The following TRAM2 variants were observed in gnomAD, a reference collection of about 807,000 sequenced individuals.
TRAM2 encodes the protein translocation associated membrane protein 2, also known as translocating chain-associated membrane protein 2.
Under a neutral mutation model 51.0 loss-of-function variants are expected in TRAM2, and 12 were observed. That is an observed-to-expected ratio of 0.24 (90% CI 0.15 to 0.38). The LOEUF is 0.38. Among genes scored for constraint, TRAM2 ranks in the 10% least tolerant of loss-of-function variants. The pLI is 1.00. For synonymous variants in TRAM2, 175 were observed against 179.4 expected, an observed-to-expected ratio of 0.98 and a Z score of 0.20; for missense variants, 361 against 462.0, an observed-to-expected ratio of 0.78 and a Z score of 2.00.
At chr6:52,522,871 G>C (rs1309292313) in intron 2 of TRAM2, 1 of 701,892 alleles carries the variant, frequency 1.4e-6, no homozygotes, top group Non-Finnish European at 2.6e-6. Context: ...ATATTTTCCT[G>C]TTTCCTTCTG....
chr6:52,565,879 A>T (rs1767582733), intron 1 of TRAM2, among the ~76,000 whole-genome samples: 1 of 152,228 alleles, frequency 6.6e-6, no homozygotes, highest in East Asian at 1.9e-4. Flanking sequence ...GCCTCCACAA[A>T]GGAAGTTCCC....
At chr6:52,562,418 G>C (rs1767516827) in intron 1 of TRAM2, among the ~76,000 whole-genome samples, 1 of 152,196 alleles carries the variant, frequency 6.6e-6, no homozygotes, top group Non-Finnish European at 1.5e-5. Context: ...TGAGGTGCCA[G>C]AGGCAACAGA....
intron 2 of TRAM2, among the ~76,000 whole-genome samples, chr6:52,532,519 G>A (rs1766910916): frequency 6.6e-6 from 1 of 151,984 alleles, no homozygotes; most frequent in African/African-American, 2.4e-5. Flanking sequence ...AATGACAGAA[G>A]GTATTTTGGC....
intron 2 of TRAM2, among the ~76,000 whole-genome samples, chr6:52,525,964 G>A (rs530645738): frequency 3.2e-4 from 49 of 152,056 alleles, no homozygotes; most frequent in Admixed American, 1.4e-3. Context: ...GGGAGATGAC[G>A]ACCATTTACA....
intron 1 of TRAM2, among the ~76,000 whole-genome samples, chr6:52,564,532 C>G (rs1767558214): frequency 6.6e-6 from 1 of 152,086 alleles, no homozygotes; most frequent in Non-Finnish European, 1.5e-5. Flanking sequence ...GCCCCATGCC[C>G]CTTGAGCCTC....
chr6:52,547,913 C>T (rs911361012), intron 1 of TRAM2, among the ~76,000 whole-genome samples: 2 of 152,238 alleles, frequency 1.3e-5, no homozygotes, highest in African/African-American at 4.8e-5. Flanking sequence ...CTGCCATAAC[C>T]ATGGGGCAAT....
chr6:52,510,662 A>G (rs1562475998), intron 4 of TRAM2, among the ~76,000 whole-genome samples: 1 of 152,224 alleles, frequency 6.6e-6, no homozygotes. Flanking sequence ...AGGTGAAAAC[A>G]AAATCATTTA....
chr6:52,553,032 T>C (rs1196956550), intron 1 of TRAM2, among the ~76,000 whole-genome samples: 3 of 152,096 alleles, frequency 2.0e-5, no homozygotes, highest in Admixed American at 2.0e-4. Context: ...GCCTCAAGAC[T>C]CAAAACCCCT....
Position 52,502,462 on chromosome 6 carries a change from AGGCT to A in TRAM2, c.*731_*734del, listed in dbSNP as rs1167264330. ...GTGTCCCCCCCCACAGAGCGACAGC[AGGCT>A]GGCTTCCAATCCGCGGCCAGCCACT... On this transcript the variant is annotated 3_prime_UTR_variant, in exon 11 of 11. Transcript: ENST00000182527. 6.6e-6 allele frequency: 1 copy of A among 152,236 alleles called. No homozygotes were observed. The allele number at this position is 152,236 out of a possible 1,614,324, so 9.4% of individuals were successfully genotyped here. A position where few individuals can be genotyped will look rare whatever the true frequency, so the allele number is the denominator to read the frequency against.
At chr6:52,538,976 T>A in intron 1 of TRAM2, among the ~76,000 whole-genome samples, 1 of 152,250 alleles carries the variant, frequency 6.6e-6, no homozygotes, top group East Asian at 1.9e-4. Context: ...TTGTTTTATG[T>A]GTGTTTCTGT....
In TRAM2 at chr6:52,503,287, GAC is replaced by G. The variant is rs778892069; in HGVS notation, c.1040-19_1040-18del. 8.7e-6 allele frequency: 14 copies of G among 1,609,958 alleles called. No homozygotes were observed. The highest frequency in any genetic ancestry group is 1.2e-5 in the Non-Finnish European group (14 of 1,176,324). On this transcript the variant is annotated intron_variant, in intron 10 of 10. Transcript: ENST00000182527. Reference sequence around the variant, plus strand: ...CATGGTAACCTGGGAAGTGGAGAGAGACAAGCATACATGGTGTTTCTGCTGGA... The same window carrying G: ...CATGGTAACCTGGGAAGTGGAGAGAGAAGCATACATGGTGTTTCTGCTGGA...
intron 7 of TRAM2, 92 bp downstream of exon 7, chr6:52,507,461 T>C: frequency 1.5e-6 from 2 of 1,335,294 alleles, no homozygotes; most frequent in Non-Finnish European, 2.1e-6. Context: ...ACAGAGGATG[T>C]CAACAAATGC....
chr6:52,508,190 G>A, intron 6 of TRAM2, 44 bp downstream of exon 6: 1 of 1,573,704 alleles, frequency 6.4e-7, no homozygotes, highest in Non-Finnish European at 8.7e-7. Flanking sequence ...GGAGGGGAGT[G>A]GTCAATGAAT....
intron 1 of TRAM2, among the ~76,000 whole-genome samples, 163 bp downstream of exon 1, chr6:52,576,633 G>A (rs1246398375): frequency 2.0e-5 from 3 of 152,186 alleles, no homozygotes; most frequent in South Asian, 2.1e-4. Context: ...GCTGGCCGGG[G>A]TACAGGCCGG....
chr6:52,507,298 C>G lies in TRAM2; in HGVS notation c.626+255G>C, dbSNP rs549258375. ...GAGGGTCTTCTTCTGGGTTGCAGAG[C>G]AGATGATACATACTGTGTTATGGTG... is the stretch of plus-strand genomic sequence containing the variant. On this transcript the variant is annotated intron_variant, in intron 7 of 10. Transcript: ENST00000182527. Among the ~76,000 whole-genome samples, 13 of 152,342 alleles carry G rather than the reference C, an allele frequency of 8.5e-5. No individual in the cohort carries two copies. The East Asian group carries it at 2.3e-3, about 27-fold the overall frequency.
rs767104586 is a variant in TRAM2 at position 52,516,750 on chromosome 6, T to C, written c.185-13A>G. On this transcript the variant is annotated splice_polypyrimidine_tract_variant and intron_variant, in intron 2 of 10. Transcript: ENST00000182527. ...ACGGTCTCACTGTCTGTGGAGGTAA[T>C]AAAAGTCCCATCAGCATCCCTGGGG... The C allele has an allele frequency of 1.6e-5, 26 of 1,598,196 alleles. No homozygotes were observed. The highest frequency in any genetic ancestry group is 2.2e-5 in the Non-Finnish European group (26 of 1,165,664).
intron 1 of TRAM2, among the ~76,000 whole-genome samples, chr6:52,573,497 G>C (rs922254367): frequency 1.3e-5 from 2 of 152,326 alleles, no homozygotes; most frequent in East Asian, 1.9e-4. Context: ...TGGCTGCACA[G>C]AGCAGCTTCT....
In TRAM2 at chr6:52,504,692, G is replaced by T; in HGVS notation, c.938C>A (p.Ser313Tyr). 1 of 1,613,290 alleles carries T rather than the reference G, an allele frequency of 6.2e-7. No homozygotes were observed. The highest frequency in any genetic ancestry group is 1.3e-5 in the African/African-American group (1 of 75,042). ...QAWLMWRFIHSQLRHWREYWN... is the reference protein window; with the variant it reads ...QAWLMWRFIHYQLRHWREYWN... Reference sequence around the variant, plus strand: ...GTATTCCCGCCAGTGCCGCAGCTGGGAGTGGATGAAGCGCCACATGAGCCA... The same window carrying T: ...GTATTCCCGCCAGTGCCGCAGCTGGTAGTGGATGAAGCGCCACATGAGCCA... Residue 313 changes from serine to tyrosine, a missense_variant, in exon 10 of 11, where the codon TCC (serine) becomes TAC (tyrosine). By Grantham distance (144) the Ser-to-Tyr change is moderately radical. Coordinates refer to ENST00000182527, the MANE Select transcript of TRAM2 (RefSeq NM_012288.4).
chr6:52,526,916 T>C (rs914887762), intron 2 of TRAM2, among the ~76,000 whole-genome samples: 1 of 152,204 alleles, frequency 6.6e-6, no homozygotes, highest in East Asian at 1.9e-4. Context: ...GTGTGAACTT[T>C]TTAAAATTCA....
Sources: gnomAD v4.1 joint callset for allele counts (sites outside exome capture counted in the v4.1 genomes callset) on GRCh38, gnomAD v4.1.1 for gene constraint, MANE v1.5 for transcripts, NCBI Gene and HGNC (gene_info 2026-07-23, HGNC 2026-07-21) for gene names.